WDR17: variants seen among roughly 807,000 people sequenced by gnomAD.
The protein encoded by WDR17 is WD repeat-containing protein 17.
Under a neutral mutation model 161.7 loss-of-function variants are expected in WDR17, and 143 were observed. The observed-to-expected ratio is 0.88, with a 90% confidence interval of 0.77 to 1.02. The LOEUF is 1.02. Among genes scored for constraint, WDR17 ranks in the 50% least tolerant of loss-of-function variants. The pLI is 0.00. For missense variants in WDR17, 1,469 were observed against 1,520.9 expected, an observed-to-expected ratio of 0.97 and a Z score of 0.57; for synonymous variants, 517 against 515.6, an observed-to-expected ratio of 1.00 and a Z score of -0.04.
rs930097919 is a variant in WDR17 at position 176,177,241 on chromosome 4, A to G, written c.3548+85A>G. 2.0e-5 allele frequency: 25 copies of G among 1,228,662 alleles called. No homozygotes were observed. In the African/African-American group the frequency reaches 3.6e-4, roughly 18 times the overall value. 76.1% of individuals were successfully genotyped at this position (1,228,662 alleles called of 1,614,324 possible). A position where few individuals can be genotyped will look rare whatever the true frequency, so the allele number is the denominator to read the frequency against. On this transcript the variant is annotated intron_variant, in intron 27 of 28. Transcript: ENST00000508596. The stretch of plus-strand genomic sequence containing the variant: ...TGTTGGAAGTATGTGTGGTCTCATT[A>G]ATTTTAGCAGAATAATGAATCTTGA...
chr4:176,139,854 A>G (rs1046491673), intron 9 of WDR17, 38 bp from the exon 10 acceptor site: 1 of 1,513,210 alleles, frequency 6.6e-7, no homozygotes, highest in African/African-American at 1.4e-5. Context: ...AAAGGGGTGA[A>G]TTATTTCTTA....
At chr4:176,085,235 T>C (rs888790605) in intron 1 of WDR17, among the ~76,000 whole-genome samples, 1 of 152,128 alleles carries the variant, frequency 6.6e-6, no homozygotes. Context: ...ATTAACTCCA[T>C]GTATCTTTAC....
intron 1 of WDR17, among the ~76,000 whole-genome samples, chr4:176,073,953 T>A: frequency 6.7e-6 from 1 of 150,264 alleles, no homozygotes; most frequent in Non-Finnish European, 1.5e-5. Context: ...GATGGGGTTG[T>A]TTTTTTCTTG....
chr4:176,095,975 T>A (rs1736795554), intron 1 of WDR17, among the ~76,000 whole-genome samples: 1 of 152,148 alleles, frequency 6.6e-6, no homozygotes, highest in Admixed American at 6.6e-5. Flanking sequence ...TCTTTAAACT[T>A]TTTGACGGGT....
intron 25 of WDR17, 113 bp downstream of exon 25, chr4:176,173,482 C>T (rs372211792): frequency 3.3e-6 from 2 of 599,858 alleles, no homozygotes; most frequent in Non-Finnish European, 2.9e-6. Flanking sequence ...CAGGTAGCTA[C>T]ACTTGTAGAA....
At chr4:176,079,632 C>A (rs1175640788) in intron 1 of WDR17, among the ~76,000 whole-genome samples, 1 of 152,050 alleles carries the variant, frequency 6.6e-6, no homozygotes, top group African/African-American at 2.4e-5. Flanking sequence ...ATTCTTTATA[C>A]CTACATACAT....
rs10001419 is a variant in WDR17, at chr4:176,113,462, G to A, written c.123+1759G>A. Among the ~76,000 whole-genome samples the A allele has an allele frequency of 8.1e-3, 1,225 of 152,006 alleles. 28 individuals are homozygous for A. The highest frequency in any genetic ancestry group is 0.027 in the African/African-American group (1,132 of 41,510). The stretch of plus-strand genomic sequence containing the variant: ...ACATGAAAGTTGTCATGTCATTAAG[G>A]ACTGAAACAAACTAAAAATTATCCT... On this transcript the variant is annotated intron_variant, in intron 2 of 28. Coordinates refer to ENST00000508596, the MANE Select transcript of WDR17 (RefSeq NM_181265.4).
intron 1 of WDR17, among the ~76,000 whole-genome samples, chr4:176,087,128 A>T (rs545538687): frequency 1.3e-5 from 2 of 152,106 alleles, no homozygotes; most frequent in East Asian, 3.9e-4. Context: ...ATTTAACTAC[A>T]TATTTTCCCT....
chr4:176,162,076 C>T lies in WDR17; in HGVS notation c.2752C>T (p.Leu918Phe), dbSNP rs199632958. Residue 918 changes from leucine (L) to phenylalanine (F), a missense_variant and splice_region_variant, in exon 21 of 29, where the codon CTC becomes TTC. By Grantham distance (22) the Leu-to-Phe change is conservative. Coordinates refer to ENST00000508596, the MANE Select transcript of WDR17 (RefSeq NM_181265.4). ...DDIYKEDFNE[L>F]LHKVSKELAE... ...GAATACACATTTTTTTCTTTCTAGACTCCTGCACAAAGTCAGTAAAGAACT... is the reference window on the plus strand; with the variant it reads ...GAATACACATTTTTTTCTTTCTAGATTCCTGCACAAAGTCAGTAAAGAACT... 8.7e-6 allele frequency: 14 copies of T among 1,610,768 alleles called. No individual in the cohort carries two copies. The highest frequency in any genetic ancestry group is 2.2e-5 in the South Asian group (2 of 90,450).
At chr4:176,074,185 G>T (rs1182806295) in intron 1 of WDR17, among the ~76,000 whole-genome samples, 4 of 151,266 alleles carry the variant, frequency 2.6e-5, no homozygotes, top group African/African-American at 9.7e-5. Context: ...CCATGCCTAT[G>T]TCCTGAATGG....
intron 1 of WDR17, among the ~76,000 whole-genome samples, chr4:176,076,207 CATATATAATATATATATATATAT>C (rs1195542072): frequency 6.1e-5 from 8 of 131,254 alleles, no homozygotes; most frequent in East Asian, 4.3e-4. Flanking sequence ...TGTATGTTTA[CATATATAATATATATATATATAT>C]ATATATATAT....
chr4:176,088,569 G>T (rs1394979600), intron 1 of WDR17, among the ~76,000 whole-genome samples: 1 of 152,136 alleles, frequency 6.6e-6, no homozygotes. Flanking sequence ...GATTTCTTCA[G>T]GCCTTTCAGA....
At chr4:176,131,049 G>T (rs905456710) in intron 6 of WDR17, among the ~76,000 whole-genome samples, 1 of 152,108 alleles carries the variant, frequency 6.6e-6, no homozygotes, top group African/African-American at 2.4e-5. Flanking sequence ...GCCAGTGCAG[G>T]TCAGATAGTG....
intron 28 of WDR17, among the ~76,000 whole-genome samples, chr4:176,178,174 A>C (rs1184127879): frequency 2.6e-5 from 4 of 152,080 alleles, no homozygotes; most frequent in Non-Finnish European, 5.9e-5. Context: ...AAAATAAATG[A>C]AGTAGCTGGA....
chr4:176,083,745 A>T (rs900492776), intron 1 of WDR17, among the ~76,000 whole-genome samples: 4 of 152,118 alleles, frequency 2.6e-5, no homozygotes, highest in South Asian at 2.1e-4. Context: ...GCGTTAGAGG[A>T]TTCGGCCAAT....
Position 176,172,331 on chromosome 4 carries a change from G to A in WDR17, c.3103-44G>A, listed in dbSNP as rs540677363. The A allele has an allele frequency of 1.8e-5, 29 of 1,570,248 alleles. 1 individual carries two copies. The highest frequency in any genetic ancestry group is 4.7e-5 in the South Asian group (4 of 85,202). ...TGTACTTACACTATTGCTTTTATCC[G>A]TTTGAATTTTAGTAACATTGTTTTC... On this transcript the variant is annotated intron_variant, in intron 23 of 28. Coordinates refer to ENST00000508596, the MANE Select transcript of WDR17 (RefSeq NM_181265.4).
At chr4:176,074,810 CTTTT>C (rs386357678) in intron 1 of WDR17, among the ~76,000 whole-genome samples, 3 of 79,196 alleles carry the variant, frequency 3.8e-5, no homozygotes, top group Admixed American at 1.7e-4. Flanking sequence ...TTTTTTAATG[CTTTT>C]TTTTTTTTTT....
chr4:176,115,322 T>C (rs1341362123), intron 2 of WDR17, among the ~76,000 whole-genome samples: 5 of 151,766 alleles, frequency 3.3e-5, no homozygotes, highest in Non-Finnish European at 7.4e-5. Flanking sequence ...AAAAAAACAA[T>C]AAAATAAAAA....
At chr4:176,073,231 T>A (rs1174804653) in intron 1 of WDR17, among the ~76,000 whole-genome samples, 2 of 152,136 alleles carry the variant, frequency 1.3e-5, no homozygotes, top group African/African-American at 4.8e-5. Flanking sequence ...ATTAGGTATA[T>A]CTCCTAATGC....
Sources: allele counts gnomAD v4.1 joint callset (sites outside exome capture counted in the v4.1 genomes callset), GRCh38; gene constraint gnomAD v4.1.1; transcripts MANE v1.5; gene names NCBI Gene and HGNC (gene_info 2026-07-23, HGNC 2026-07-21).